Variants in TBC1D30 observed in about 807,000 individuals in gnomAD.
TBC1D30 encodes TBC1 domain family, member 30.
A neutral mutation model predicts 63.2 loss-of-function variants in TBC1D30; 31 were observed. The ratio of observed to expected loss-of-function variants is 0.49; its 90% CI spans 0.37 to 0.66. The LOEUF is 0.66. Among genes scored for constraint, TBC1D30 ranks in the 30% least tolerant of loss-of-function variants. The pLI is 0.00. For missense variants in TBC1D30, 810 were observed against 953.6 expected, an observed-to-expected ratio of 0.85 and a Z score of 1.98; for synonymous variants, 307 against 361.5, an observed-to-expected ratio of 0.85 and a Z score of 1.71.
Position 64,878,752 on chromosome 12 carries a change from C to A in TBC1D30, c.*2964C>A, listed in dbSNP as rs1445220007. On this transcript the variant is annotated 3_prime_UTR_variant, in exon 12 of 12. Transcript: ENST00000539867. Reference sequence around the variant, plus strand: ...CCCTTGGTCACATGAACCAGGGAAACAGCCCAATAAGCTCTATCTCCCCCA... The same window carrying A: ...CCCTTGGTCACATGAACCAGGGAAAAAGCCCAATAAGCTCTATCTCCCCCA... 8.7e-6 allele frequency: 3 copies of A among 346,774 alleles called. No individual in the cohort carries two copies. The highest frequency in any genetic ancestry group is 6.8e-5 in the South Asian group (3 of 44,368). 21.5% of individuals were successfully genotyped at this position (346,774 alleles called of 1,614,324 possible). A position where few individuals can be genotyped will look rare whatever the true frequency, so the allele number is the denominator to read the frequency against.
At chr12:64,841,880 A>G (rs990393873) in intron 7 of TBC1D30, among the ~76,000 whole-genome samples, 2 of 152,122 alleles carry the variant, frequency 1.3e-5, no homozygotes, top group Non-Finnish European at 2.9e-5. Flanking sequence ...TGTTCCATTC[A>G]TTTATTTACA....
chr12:64,848,303 C>T (rs889345195), intron 8 of TBC1D30, among the ~76,000 whole-genome samples: 5 of 150,110 alleles, frequency 3.3e-5, no homozygotes, highest in African/African-American at 4.9e-5. Context: ...ACTTTAAGTT[C>T]TGGGATACAC....
chr12:64,786,108 C>A, intron 2 of TBC1D30: 1 of 1,206,294 alleles, frequency 8.3e-7, no homozygotes, highest in Non-Finnish European at 1.1e-6. Flanking sequence ...GAAAGCTGAG[C>A]CAACAGTCTG....
chr12:64,830,766 A>C (rs190363305), intron 4 of TBC1D30, among the ~76,000 whole-genome samples: 148 of 152,372 alleles, frequency 9.7e-4, no homozygotes, highest in Admixed American at 4.3e-3. Context: ...ACACTATAGG[A>C]AGGACGCTTT....
In TBC1D30 at chr12:64,870,543, C is replaced by T. The variant is rs1192540311; in HGVS notation, c.1292-59C>T. 16 of 1,381,866 alleles carry T rather than the reference C, an allele frequency of 1.2e-5. No homozygotes were observed. In the East Asian group the frequency reaches 3.5e-4, roughly 30 times the overall value. 85.6% of individuals were successfully genotyped at this position (1,381,866 alleles called of 1,614,324 possible). A position where few individuals can be genotyped will look rare whatever the true frequency, so the allele number is the denominator to read the frequency against. On this transcript the variant is annotated intron_variant, in intron 10 of 11. Coordinates refer to ENST00000539867, the MANE Select transcript of TBC1D30 (RefSeq NM_015279.2). Reference sequence around the variant, plus strand: ...CACTGAGTTGTAGTGTTATCAATTTCCATTTACTCCTGTTCCCCTCCACCG... The same window carrying T: ...CACTGAGTTGTAGTGTTATCAATTTTCATTTACTCCTGTTCCCCTCCACCG...
intron 2 of TBC1D30, among the ~76,000 whole-genome samples, chr12:64,796,203 A>C (rs1431076631): frequency 6.6e-6 from 1 of 151,502 alleles, no homozygotes; most frequent in East Asian, 1.9e-4. Flanking sequence ...CTCGTTATAA[A>C]GGGGTTGATT....
At chr12:64,824,544 C>A, upstream of TBC1D30, 1 of 260,614 alleles carries the variant, frequency 3.8e-6, no homozygotes, top group Non-Finnish European at 7.3e-6. Context: ...CCCGCCTGCG[C>A]ACGGCGGTGC....
At chr12:64,793,053 A>G (rs947497860) in intron 2 of TBC1D30, among the ~76,000 whole-genome samples, 3 of 152,300 alleles carry the variant, frequency 2.0e-5, no homozygotes, top group African/African-American at 7.2e-5. Context: ...AATAAAGAGC[A>G]AGCTCGCTGG....
intron 10 of TBC1D30, among the ~76,000 whole-genome samples, chr12:64,868,960 C>T (rs1878438568): frequency 6.6e-6 from 1 of 152,044 alleles, no homozygotes; most frequent in East Asian, 1.9e-4. Flanking sequence ...CTCTGAATCA[C>T]ATGCATGTTT....
At position 64,878,668 on chromosome 12, in the gene TBC1D30, A is replaced by G. The variant is rs901438493; in HGVS notation, c.*2880A>G. 7 of 402,598 alleles carry G rather than the reference A, an allele frequency of 1.7e-5. No homozygotes were observed. The highest frequency in any genetic ancestry group is 1.3e-4 in the Admixed American group (5 of 37,496). The allele number at this position is 402,598 out of a possible 1,614,324, so 24.9% of individuals were successfully genotyped here. A position where few individuals can be genotyped will look rare whatever the true frequency, so the allele number is the denominator to read the frequency against. ...CATTTTCTGAGTGCAAGCATGGAACACTGTTGTGACAGTCCCTTCTCCCTT... is the reference window on the plus strand; with the variant it reads ...CATTTTCTGAGTGCAAGCATGGAACGCTGTTGTGACAGTCCCTTCTCCCTT... On this transcript the variant is annotated 3_prime_UTR_variant, in exon 12 of 12. Transcript: ENST00000539867.
At chr12:64,784,370 G>A (rs1462377308) in intron 1 of TBC1D30, among the ~76,000 whole-genome samples, 1 of 151,974 alleles carries the variant, frequency 6.6e-6, no homozygotes, top group Non-Finnish European at 1.5e-5. Context: ...TCAGGTTTGA[G>A]AACCCTGCAT....
chr12:64,824,926 G>T lies in TBC1D30; in HGVS notation c.47G>T (p.Cys16Phe), dbSNP rs1175106852. Residue 16 changes from cysteine to phenylalanine, a missense_variant, in exon 1 of 12, where the codon TGC becomes TTC. Transcript: ENST00000539867. ...LTGSLRRGGR[C>F]LKRQGGGVGT... ...GGGTCTCTGAGGCGCGGGGGGAGAT[G>T]CCTGAAGCGGCAGGGCGGCGGCGTG... is the stretch of plus-strand genomic sequence containing the variant. 40 of 1,534,498 alleles carry T rather than the reference G, an allele frequency of 2.6e-5. No individual in the cohort carries two copies. The highest frequency in any genetic ancestry group is 3.1e-5 in the Non-Finnish European group (36 of 1,146,592).
At chr12:64,792,679 C>G (rs1258627004) in intron 2 of TBC1D30, among the ~76,000 whole-genome samples, 1 of 152,164 alleles carries the variant, frequency 6.6e-6, no homozygotes, top group Non-Finnish European at 1.5e-5. Context: ...AAGCGATTTT[C>G]TTGCTTCAGC....
At chr12:64,814,059 T>A (rs1344272130) in intron 2 of TBC1D30, among the ~76,000 whole-genome samples, 1 of 150,588 alleles carries the variant, frequency 6.6e-6, no homozygotes, top group Non-Finnish European at 1.5e-5. Context: ...AGGAAGGTAC[T>A]TTTTTTTTGA....
At chr12:64,780,809 A>C in exon 1 of TBC1D30, 1 of 994,610 alleles carries the variant, frequency 1.0e-6, no homozygotes. Flanking sequence ...GCCGGGGACC[A>C]TGGACGTCCT....
intron 1 of TBC1D30, among the ~76,000 whole-genome samples, chr12:64,760,322 C>A (rs1870453106): frequency 6.6e-6 from 1 of 152,080 alleles, no homozygotes; most frequent in Non-Finnish European, 1.5e-5. Flanking sequence ...GTAATCCCAG[C>A]ACTTTGGGAG....
At chr12:64,862,401 G>A (rs1156849363) in intron 8 of TBC1D30, among the ~76,000 whole-genome samples, 1 of 152,216 alleles carries the variant, frequency 6.6e-6, no homozygotes, top group East Asian at 1.9e-4. Flanking sequence ...CAGTGACAGA[G>A]AAAGGAAGAC....
At chr12:64,795,047 A>T (rs11175554) in intron 2 of TBC1D30, among the ~76,000 whole-genome samples, 92,603 of 152,090 alleles carry the variant, frequency 0.61, 28,428 homozygotes, top group East Asian at 0.9. Flanking sequence ...GATGTCTGGT[A>T]TTCTTTGGCT....
intron 8 of TBC1D30, among the ~76,000 whole-genome samples, chr12:64,858,620 T>A (rs533535615): frequency 2.6e-5 from 4 of 152,226 alleles, no homozygotes; most frequent in Admixed American, 6.5e-5. Flanking sequence ...TAATGATCCA[T>A]ACTTACTGCT....
Sources: gnomAD v4.1 joint callset for allele counts (sites outside exome capture counted in the v4.1 genomes callset) on GRCh38, gnomAD v4.1.1 for gene constraint, MANE v1.5 for transcripts, NCBI Gene and HGNC (gene_info 2026-07-23, HGNC 2026-07-21) for gene names.